The following DHRSX variants were observed in gnomAD, a reference collection of about 807,000 sequenced individuals.
The protein encoded by DHRSX is dehydrogenase/reductase X-linked.
In DHRSX, 31 loss-of-function variants were observed where a neutral mutation model predicts 34.0. The observed-to-expected ratio is 0.91, with a 90% CI of 0.69 to 1.23. The LOEUF is 1.23. DHRSX is among the 50% of genes most tolerant of loss of function. The probability of loss-of-function intolerance (pLI) is 0.00; values close to 1 mark genes in which losing one functional copy is unlikely to be tolerated. For synonymous variants in DHRSX, 201 were observed against 183.8 expected, an observed-to-expected ratio of 1.09 and a Z score of -0.76; for missense variants, 414 against 428.1, an observed-to-expected ratio of 0.97 and a Z score of 0.29.
intron 1 of DHRSX, chrX:2,489,580 G>A: frequency 6.2e-7 from 1 of 1,612,636 alleles, no homozygotes; most frequent in Non-Finnish European, 8.5e-7. Flanking sequence ...GGTGGTGGTT[G>A]TTGCTGTCCT....
At chrX:2,477,670 C>T (rs1413764329) in intron 1 of DHRSX, among the ~76,000 whole-genome samples, 1 of 142,284 alleles carries the variant, frequency 7.0e-6, no homozygotes, top group African/African-American at 2.8e-5. Flanking sequence ...ACATGAAGAA[C>T]ACCCATCTCT....
At chrX:2,319,066 C>T (rs1302472278) in intron 3 of DHRSX, among the ~76,000 whole-genome samples, 2 of 152,108 alleles carry the variant, frequency 1.3e-5, no homozygotes, top group Non-Finnish European at 2.9e-5. Flanking sequence ...AACCAAAAAA[C>T]TATTTCCACA....
At chrX:2,403,586 T>A (rs2043514175) in intron 3 of DHRSX, among the ~76,000 whole-genome samples, 1 of 152,210 alleles carries the variant, frequency 6.6e-6, no homozygotes. Context: ...TCAGATGCAG[T>A]GGCTCACGCC....
chrX:2,441,315 C>A (rs1238953034), intron 1 of DHRSX, among the ~76,000 whole-genome samples: 1 of 152,130 alleles, frequency 6.6e-6, no homozygotes, highest in East Asian at 1.9e-4. Context: ...CAAGGCAACG[C>A]GGTGGAATGT....
chrX:2,378,387 T>A lies in DHRSX; in HGVS notation c.286+30358A>T, dbSNP rs757467583. On this transcript the variant is annotated intron_variant, in intron 3 of 6. Coordinates refer to ENST00000334651, the MANE Select transcript of DHRSX (RefSeq NM_145177.3). ...TTGAACACCACGGGCTTGAATTGAA[T>A]GGGTGTCCCCTTATATGTGGATTTT... is the stretch of plus-strand genomic sequence containing the variant. Among the ~76,000 whole-genome samples the A allele has an allele frequency of 2.0e-5, 3 of 152,288 alleles. No individual in the cohort carries two copies. The South Asian group carries it at 6.2e-4, about 32-fold the overall frequency.
chrX:2,246,253 C>T (rs145558987), intron 5 of DHRSX, among the ~76,000 whole-genome samples: 2,563 of 152,164 alleles, frequency 0.017, 55 homozygotes, highest in African/African-American at 0.056. Context: ...GAAAGACATC[C>T]GTCATCATAT....
rs1405258583 is a variant in DHRSX at position 2,308,118 on chromosome X, C to T, written c.287-16515G>A. On this transcript the variant is annotated intron_variant, in intron 3 of 6. Transcript: ENST00000334651. ...AGTTAGAGTGTTTGGGAGTATTTAA[C>T]GCACTCCTAGGAGCTACAAAATGAG... Among the ~76,000 whole-genome samples, 3 of 152,182 alleles carry T rather than the reference C, an allele frequency of 2.0e-5. No individual in the cohort carries two copies. In the East Asian group the frequency reaches 5.8e-4, roughly 29 times the overall value.
chrX:2,435,655 C>A (rs184460779), intron 1 of DHRSX, among the ~76,000 whole-genome samples: 3,764 of 152,024 alleles, frequency 0.025, 45 homozygotes, highest in Middle Eastern at 0.037. Context: ...GTCCCAGGTA[C>A]GTGGGAGGCT....
chrX:2,241,157 C>T (rs902623522), intron 6 of DHRSX, among the ~76,000 whole-genome samples: 4 of 152,146 alleles, frequency 2.6e-5, no homozygotes, highest in Admixed American at 6.6e-5. Context: ...GCACTCCAGC[C>T]TGGTGATAGA....
intron 5 of DHRSX, among the ~76,000 whole-genome samples, chrX:2,266,329 A>C (rs559753202): frequency 9.8e-6 from 1 of 101,674 alleles, no homozygotes. Context: ...CTCGGCAGAC[A>C]CAGGGAGCAC....
rs1448958711 is a variant in DHRSX at position 2,301,098 on chromosome X, C to CTT, written c.287-9496_287-9495insAA. Among the ~76,000 whole-genome samples, 6 of 152,182 alleles carry CTT rather than the reference C, an allele frequency of 3.9e-5. No homozygotes were observed. The South Asian group carries it at 8.3e-4, about 21-fold the overall frequency. On this transcript the variant is annotated intron_variant, in intron 3 of 6. Coordinates refer to ENST00000334651, the MANE Select transcript of DHRSX (RefSeq NM_145177.3). ...AAATATTCAGAAGATTTGTATCACT[C>CTT]TAAGTTCTCGTGCTAGTAAGAAATA...
chrX:2,250,188 A>G (rs1321686111), intron 5 of DHRSX, among the ~76,000 whole-genome samples: 1 of 147,906 alleles, frequency 6.8e-6, no homozygotes, highest in East Asian at 2.0e-4. Context: ...AAAATTAAGC[A>G]TTGATTCAAA....
chrX:2,254,025 A>C (rs1250237577), intron 5 of DHRSX, among the ~76,000 whole-genome samples: 1 of 151,878 alleles, frequency 6.6e-6, no homozygotes, highest in Non-Finnish European at 1.5e-5. Flanking sequence ...CACACCCTGC[A>C]CTCCAGCCTG....
rs910043967 is a variant in DHRSX, at chrX:2,342,411, G to A, written c.287-50808C>T. Among the ~76,000 whole-genome samples the A allele has an allele frequency of 2.0e-5, 3 of 152,032 alleles. No homozygotes were observed. In the Admixed American group the frequency reaches 2.0e-4, roughly 10 times the overall value. ...CTGATACCTCACGGATTGTCCCGGGGCTAGTTCTATTTCTAGCTCCTGGGC... is the reference window on the plus strand; with the variant it reads ...CTGATACCTCACGGATTGTCCCGGGACTAGTTCTATTTCTAGCTCCTGGGC... On this transcript the variant is annotated intron_variant, in intron 3 of 6. Coordinates refer to ENST00000334651, the MANE Select transcript of DHRSX (RefSeq NM_145177.3).
chrX:2,248,547 A>T (rs2016353376), intron 5 of DHRSX, among the ~76,000 whole-genome samples: 1 of 144,914 alleles, frequency 6.9e-6, no homozygotes, highest in South Asian at 2.4e-4. Flanking sequence ...CAGAAGGTGG[A>T]GGCTGCAATG....
intron 1 of DHRSX, among the ~76,000 whole-genome samples, chrX:2,451,259 C>G (rs6641716): frequency 0.07 from 10,389 of 148,596 alleles, 449 homozygotes; most frequent in African/African-American, 0.11. Context: ...AAAGTTGCAT[C>G]AAGAATGAAA....
In DHRSX at chrX:2,282,813, A is replaced by G. The variant is rs868850477; in HGVS notation, c.388+8689T>C. Among the ~76,000 whole-genome samples, 272 of 87,386 alleles carry G rather than the reference A, an allele frequency of 3.1e-3. 9 individuals carry two copies. Among genetic ancestry groups the G allele is most frequent in the African/African-American group, 9.5e-3 (244 of 25,808 alleles). The allele number at this position is 87,386 out of a possible 152,430, so 57.3% of individuals were successfully genotyped here. A position where few individuals can be genotyped will look rare whatever the true frequency, so the allele number is the denominator to read the frequency against. On this transcript the variant is annotated intron_variant, in intron 4 of 6. Coordinates refer to ENST00000334651, the MANE Select transcript of DHRSX (RefSeq NM_145177.3). ...GAGAGAAGAAAGAGAGAAGAGAGAA[A>G]GAGAGAGAGGGAGAGAGAGGGAGAA...
intron 3 of DHRSX, among the ~76,000 whole-genome samples, chrX:2,401,311 G>A (rs778618693): frequency 5.9e-5 from 9 of 152,116 alleles, no homozygotes; most frequent in East Asian, 1.9e-4. Context: ...GGGTTTCACC[G>A]TGTTGGCCAG....
At chrX:2,259,367 T>TATATATATAG (rs2041328357) in intron 5 of DHRSX, among the ~76,000 whole-genome samples, 1 of 80,326 alleles carries the variant, frequency 1.2e-5, no homozygotes, top group African/African-American at 4.3e-5. Flanking sequence ...TAGATATAGA[T>TATATATATAG]ATATATAGAT....
Sources: gnomAD v4.1 joint callset for allele counts (sites outside exome capture counted in the v4.1 genomes callset) on GRCh38, gnomAD v4.1.1 for gene constraint, MANE v1.5 for transcripts, NCBI Gene and HGNC (gene_info 2026-07-23, HGNC 2026-07-21) for gene names.